CFAP97D2: variants seen among roughly 807,000 people sequenced by gnomAD.
CFAP97D2 encodes CFAP97 domain containing 2, also known as uncharacterized protein CFAP97D2.
intron 2 of CFAP97D2, among the ~76,000 whole-genome samples, 185 bp from the exon 3 acceptor site, chr13:114,200,140 C>T (rs1045072294): frequency 2.0e-5 from 3 of 152,008 alleles, no homozygotes; most frequent in African/African-American, 7.2e-5. Context: ...CCCTCGCGTA[C>T]GGTCCCTGCT....
rs1475923790 is a variant in CFAP97D2 at position 114,189,685 on chromosome 13, A to AT, written c.91-6709dup. 1.3e-5 allele frequency among the ~76,000 whole-genome samples: 2 copies of AT among 152,164 alleles called. No homozygotes were observed. Among genetic ancestry groups the AT allele is most frequent in the African/African-American group, 4.8e-5 (2 of 41,420 alleles). ...GGCTCATCATTCAAAAATCAATGTAATTAATCACATCAATGGGCTAAAAAA... is the reference window on the plus strand; with the variant it reads ...GGCTCATCATTCAAAAATCAATGTAATTTAATCACATCAATGGGCTAAAAAA... On this transcript the variant is annotated intron_variant, in intron 1 of 4. Transcript: ENST00000646158. The surrounding 1 kb of genome is among the most constrained non-coding windows in gnomAD (Gnocchi z 4.5).
At chr13:114,202,721 C>T (rs1334562646) in intron 3 of CFAP97D2, among the ~76,000 whole-genome samples, 3 of 152,192 alleles carry the variant, frequency 2.0e-5, no homozygotes, top group South Asian at 2.1e-4. Flanking sequence ...TGTGGCCCCA[C>T]GCTGGAGATG....
intron 1 of CFAP97D2, 30 bp from the exon 2 acceptor site, chr13:114,196,365 GC>G: frequency 2.5e-6 from 1 of 399,580 alleles, no homozygotes; most frequent in Admixed American, 4.4e-5. Context: ...CCAATACTGC[GC>G]CCAGGTAACG....
In CFAP97D2 at chr13:114,189,544, T is replaced by C. The variant is rs1430847144; in HGVS notation, c.91-6852T>C. On this transcript the variant is annotated intron_variant, in intron 1 of 4. Coordinates refer to ENST00000646158, the Ensembl canonical transcript of CFAP97D2. The surrounding 1 kb of genome is among the most constrained non-coding windows in gnomAD (Gnocchi z 4.5). Reference sequence around the variant, plus strand: ...ATTACAAGAAAACAGTAAATCAATATCTCTCATGAACATTGATGCAAAAAT... The same window carrying C: ...ATTACAAGAAAACAGTAAATCAATACCTCTCATGAACATTGATGCAAAAAT... Among the ~76,000 whole-genome samples the C allele has an allele frequency of 1.3e-5, 2 of 152,184 alleles. No individual in the cohort carries two copies. Among genetic ancestry groups the C allele is most frequent in the South Asian group, 2.1e-4 (1 of 4,820 alleles).
chr13:114,181,494 A>G (rs2080832358), intron 1 of CFAP97D2, among the ~76,000 whole-genome samples: 1 of 152,150 alleles, frequency 6.6e-6, no homozygotes, highest in South Asian at 2.1e-4. Flanking sequence ...TACAGGCCCC[A>G]CTGAATGAGG....
chr13:114,221,720 A>G (rs1277738159), intron 4 of CFAP97D2, among the ~76,000 whole-genome samples: 1 of 151,700 alleles, frequency 6.6e-6, no homozygotes, highest in Non-Finnish European at 1.5e-5. Flanking sequence ...TAATAAAAAA[A>G]AAAGGAAATG....
rs1207940169 is a variant in CFAP97D2, at chr13:114,222,043, G to T, written c.481-455G>T. 6.6e-6 allele frequency among the ~76,000 whole-genome samples: 1 copy of T among 152,222 alleles called. No individual in the cohort carries two copies. Among genetic ancestry groups the T allele is most frequent in the Non-Finnish European group, 1.5e-5 (1 of 68,040 alleles). ...TCTACCATAAAAAGGAATGATACTA[G>T]TTACAGAATGGATAAACCTTAAAGA... On this transcript the variant is annotated intron_variant, in intron 4 of 4. Coordinates refer to ENST00000646158, the Ensembl canonical transcript of CFAP97D2. The surrounding 1 kb of genome is among the most constrained non-coding windows in gnomAD (Gnocchi z 4.4).
intron 4 of CFAP97D2, among the ~76,000 whole-genome samples, chr13:114,219,416 A>G (rs1049126869): frequency 6.6e-6 from 1 of 152,198 alleles, no homozygotes; most frequent in Non-Finnish European, 1.5e-5. Context: ...AAATGTCAAG[A>G]CAGTGCTTGC....
intron 3 of CFAP97D2, among the ~76,000 whole-genome samples, chr13:114,210,853 G>GACACACACACACACAC (rs1417622434): frequency 5.0e-5 from 5 of 99,020 alleles, no homozygotes; most frequent in African/African-American, 2.5e-4. Flanking sequence ...ACATTTCATT[G>GACACACACACACACAC]ATACACACAC....
At position 114,203,055 on chromosome 13, in the gene CFAP97D2, CA is replaced by C. The variant is rs1310165183; in HGVS notation, c.290+2613del. Among the ~76,000 whole-genome samples the C allele has an allele frequency of 3.3e-5, 5 of 152,156 alleles. No individual in the cohort carries two copies. The highest frequency in any genetic ancestry group is 7.4e-5 in the Non-Finnish European group (5 of 68,026). On this transcript the variant is annotated intron_variant, in intron 3 of 4. Transcript: ENST00000646158. This position sits in a 1 kb window ranked among gnomAD's most constrained non-coding sequence, Gnocchi z 4.3. ...CCCAAAGGGATGGTTTAATTTGCAACAGAATTTAGAAAAGTGCAAGCCTCAC... is the reference window on the plus strand; with the variant it reads ...CCCAAAGGGATGGTTTAATTTGCAACGAATTTAGAAAAGTGCAAGCCTCAC...
chr13:114,202,814 C>T (rs2080924337), intron 3 of CFAP97D2, among the ~76,000 whole-genome samples: 1 of 152,178 alleles, frequency 6.6e-6, no homozygotes. Flanking sequence ...CTACAGGAGC[C>T]AAGATCCCCT....
At position 114,186,759 on chromosome 13, in the gene CFAP97D2, A is replaced by G. The variant is rs951236882; in HGVS notation, c.90+7339A>G. Reference sequence around the variant, plus strand: ...GCAGTGAGCCAGCACCCATGCTGGCACCTGGAGCTGCCCATCTCACTGCAG... The same window carrying G: ...GCAGTGAGCCAGCACCCATGCTGGCGCCTGGAGCTGCCCATCTCACTGCAG... On this transcript the variant is annotated intron_variant, in intron 1 of 4. Transcript: ENST00000646158. This position sits in a 1 kb window ranked among gnomAD's most constrained non-coding sequence, Gnocchi z 4.3. Among the ~76,000 whole-genome samples, 3 of 152,220 alleles carry G rather than the reference A, an allele frequency of 2.0e-5. No individual in the cohort carries two copies. Among genetic ancestry groups the G allele is most frequent in the African/African-American group, 7.2e-5 (3 of 41,472 alleles).
At chr13:114,210,002 A>G (rs1041784784) in intron 3 of CFAP97D2, among the ~76,000 whole-genome samples, 1 of 152,244 alleles carries the variant, frequency 6.6e-6, no homozygotes, top group Non-Finnish European at 1.5e-5. Context: ...ATAACATAAT[A>G]CATATTTATG....
chr13:114,222,700 G>T (rs1432469993), downstream of CFAP97D2: 5 of 394,066 alleles, frequency 1.3e-5, no homozygotes. This position sits in a 1 kb window ranked among gnomAD's most constrained non-coding sequence, Gnocchi z 4.4. Context: ...AATCAGCCTT[G>T]CCCAGGGCCG....
intron 2 of CFAP97D2, among the ~76,000 whole-genome samples, chr13:114,197,651 A>G (rs1434797656): frequency 3.4e-5 from 5 of 147,074 alleles, no homozygotes; most frequent in Admixed American, 2.7e-4. Context: ...CTTACAGTAA[A>G]CCATTTCTTA....
chr13:114,197,788 T>C (rs745314324), intron 2 of CFAP97D2, among the ~76,000 whole-genome samples: 45 of 144,500 alleles, frequency 3.1e-4, no homozygotes, highest in Non-Finnish European at 5.9e-4. Context: ...GTGCAAGTGA[T>C]TCTCCTGCCT....
intron 1 of CFAP97D2, among the ~76,000 whole-genome samples, chr13:114,190,701 T>C (rs2080866387): frequency 6.6e-6 from 1 of 152,258 alleles, no homozygotes; most frequent in African/African-American, 2.4e-5. Flanking sequence ...GTTAGTTCTT[T>C]CCAATTTGAT....
At chr13:114,183,139 T>A (rs2080842999) in intron 1 of CFAP97D2, among the ~76,000 whole-genome samples, 1 of 152,192 alleles carries the variant, frequency 6.6e-6, no homozygotes, top group Non-Finnish European at 1.5e-5. Flanking sequence ...TTTCTGCCAC[T>A]ACAACAAGAT....
In CFAP97D2 at chr13:114,186,030, C is replaced by A. The variant is rs557770760; in HGVS notation, c.90+6610C>A. Among the ~76,000 whole-genome samples the A allele has an allele frequency of 6.6e-6, 1 of 152,320 alleles. No homozygotes were observed. The highest frequency in any genetic ancestry group is 2.4e-5 in the African/African-American group (1 of 41,560). On this transcript the variant is annotated intron_variant, in intron 1 of 4. Coordinates refer to ENST00000646158, the Ensembl canonical transcript of CFAP97D2. This position sits in a 1 kb window ranked among gnomAD's most constrained non-coding sequence, Gnocchi z 4.3. Reference sequence around the variant, plus strand: ...TGCTTTTCCCTGGGTCTGCCCATGGCCACCCATGGACCAATCAGCATGCAC... The same window carrying A: ...TGCTTTTCCCTGGGTCTGCCCATGGACACCCATGGACCAATCAGCATGCAC...
Sources: allele counts gnomAD v4.1 joint callset (sites outside exome capture counted in the v4.1 genomes callset), GRCh38; gene constraint gnomAD v4.1.1; non-coding constraint Gnocchi (gnomAD v3.1); transcripts MANE v1.5; gene names NCBI Gene and HGNC (gene_info 2026-07-23, HGNC 2026-07-21).